Variants in SLC10A1 observed in about 807,000 individuals in gnomAD.
The protein encoded by SLC10A1 is solute carrier family 10 member 1, also known as hepatic sodium/bile acid cotransporter.
A neutral mutation model predicts 20.5 loss-of-function variants in SLC10A1; 36 were observed. That is an observed-to-expected ratio of 1.75 (90% CI 1.34 to 2.32). SLC10A1 has a LOEUF of 2.32. Ranked by LOEUF, SLC10A1 falls within the 30% of genes most tolerant of loss-of-function variation. The pLI, the probability that SLC10A1 is intolerant of heterozygous loss-of-function variation, is 0.00. For synonymous variants in SLC10A1, 188 were observed against 163.6 expected (o/e 1.15, Z -1.14); for missense variants, 545 against 439.1 (o/e 1.24, Z -2.16).
chr14:69,780,693 G>C (rs1254415808), intron 2 of SLC10A1, among the ~76,000 whole-genome samples: 1 of 152,150 alleles, frequency 6.6e-6, no homozygotes, highest in African/African-American at 2.4e-5. Context: ...ATACCAATTA[G>C]TGGTCCTATC....
At chr14:69,790,690 GTAAA>G (rs1883815371) in intron 1 of SLC10A1, among the ~76,000 whole-genome samples, 1 of 151,960 alleles carries the variant, frequency 6.6e-6, no homozygotes, top group Non-Finnish European at 1.5e-5. Context: ...AAACTTAATG[GTAAA>G]TAGAGGGATT....
intron 4 of SLC10A1, among the ~76,000 whole-genome samples, chr14:69,777,609 A>ATTTTTTTTT (rs1209960018): frequency 2.5e-5 from 2 of 79,638 alleles, no homozygotes; most frequent in South Asian, 4.2e-4. Flanking sequence ...TTTTTTTAAA[A>ATTTTTTTTT]TTGGTGTTAA....
Position 69,779,374 on chromosome 14 carries a change from CAAG to C in SLC10A1, c.568-17_568-15del, listed in dbSNP as rs772495132. ...GATCATCCCTCCCTGGGAATGAAGA[CAAG>C]AAAAGGCAATTAGAAGAGTTGGGGA... On this transcript the variant is annotated splice_polypyrimidine_tract_variant and intron_variant, in intron 2 of 4. Transcript: ENST00000216540. 1.3e-6 allele frequency: 2 copies of C among 1,594,588 alleles called. No individual in the cohort carries two copies. Among genetic ancestry groups the C allele is most frequent in the African/African-American group, 2.7e-5 (2 of 74,354 alleles).
At chr14:69,781,041 G>T (rs1202393070) in intron 2 of SLC10A1, among the ~76,000 whole-genome samples, 1 of 152,150 alleles carries the variant, frequency 6.6e-6, no homozygotes, top group African/African-American at 2.4e-5. Flanking sequence ...CACATAATTT[G>T]ATATGATCCT....
chr14:69,780,153 T>G (rs1416316535), intron 2 of SLC10A1, among the ~76,000 whole-genome samples: 1 of 152,224 alleles, frequency 6.6e-6, no homozygotes, highest in East Asian at 1.9e-4. Context: ...AAAAGAACTT[T>G]CAGAAATATC....
intron 2 of SLC10A1, among the ~76,000 whole-genome samples, chr14:69,782,529 A>C (rs10459536): frequency 0.38 from 58,066 of 152,094 alleles, 13,643 homozygotes; most frequent in African/African-American, 0.66. Flanking sequence ...GATTCTCGGC[A>C]AGGTGTGGTG....
chr14:69,796,967 G>T lies in SLC10A1; in HGVS notation c.189C>A (p.Ile63=). The T allele has an allele frequency of 6.2e-7, 1 of 1,614,242 alleles. No individual in the cohort carries two copies. Among genetic ancestry groups the T allele is most frequent in the Non-Finnish European group, 8.5e-7 (1 of 1,180,048 alleles). ...TGATGCCATACTGTGCCACCAGGGC[G>T]ATGGCCAGCCCTTTAGGCTTCCATA... ...AHLWKPKGLA[I]ALVAQYGIMP... is the part of the protein sequence containing the mutation. Residue 63 remains isoleucine, a synonymous_variant, in exon 1 of 5, where the codon ATC becomes ATA. Transcript: ENST00000216540.
Position 69,796,971 on chromosome 14 carries a change from G to A in SLC10A1, c.185C>T (p.Ala62Val), listed in dbSNP as rs748244007. ...GCCATACTGTGCCACCAGGGCGATGGCCAGCCCTTTAGGCTTCCATAAGTG... is the reference window on the plus strand; with the variant it reads ...GCCATACTGTGCCACCAGGGCGATGACCAGCCCTTTAGGCTTCCATAAGTG... ...KAHLWKPKGL[A>V]IALVAQYGIM... Residue 62 changes from alanine (A) to valine (V), a missense_variant, in exon 1 of 5, where the codon GCC becomes GTC. Transcript: ENST00000216540. 9.3e-6 allele frequency: 15 copies of A among 1,614,248 alleles called. No individual in the cohort carries two copies. Among genetic ancestry groups the A allele is most frequent in the Non-Finnish European group, 1.3e-5 (15 of 1,180,052 alleles).
chr14:69,780,961 A>G (rs1015838389), intron 2 of SLC10A1, among the ~76,000 whole-genome samples: 5 of 152,192 alleles, frequency 3.3e-5, no homozygotes, highest in South Asian at 2.1e-4. Flanking sequence ...CTTCTTCTGT[A>G]TAGGCATTCA....
chr14:69,784,220 GAGGT>G (rs918318389), intron 2 of SLC10A1, among the ~76,000 whole-genome samples: 3 of 152,202 alleles, frequency 2.0e-5, no homozygotes, highest in African/African-American at 7.2e-5. Context: ...AAGGTCATGA[GAGGT>G]AGGAGGAAAG....
rs1401981507 is a variant in SLC10A1, at chr14:69,797,171, T to A, written c.-16A>T. On this transcript the variant is annotated 5_prime_UTR_variant, in exon 1 of 5. Coordinates refer to ENST00000216540, the MANE Select transcript of SLC10A1 (RefSeq NM_003049.4). The stretch of plus-strand genomic sequence containing the variant: ...GGGCCTCCATCCTCCTGTGAGGCAG[T>A]GGAAGACCACTCCTTGTTCTCCGGC... The A allele has an allele frequency of 6.3e-7, 1 of 1,589,744 alleles. No individual in the cohort carries two copies. Among genetic ancestry groups the A allele is most frequent in the South Asian group, 1.1e-5 (1 of 87,246 alleles).
At chr14:69,794,706 A>G (rs1023050432) in intron 1 of SLC10A1, among the ~76,000 whole-genome samples, 1 of 152,220 alleles carries the variant, frequency 6.6e-6, no homozygotes, top group African/African-American at 2.4e-5. Context: ...TTTAATGTGC[A>G]TGGGAGGGTT....
chr14:69,794,084 C>T (rs1882338763), intron 1 of SLC10A1, among the ~76,000 whole-genome samples: 1 of 152,114 alleles, frequency 6.6e-6, no homozygotes, highest in African/African-American at 2.4e-5. Flanking sequence ...ACCTCAGCCT[C>T]TTCATGTGTA....
chr14:69,779,289 G>T lies in SLC10A1; in HGVS notation c.639C>A (p.Ser213Arg). Reference sequence around the variant, plus strand: ...AGAGTGGTGTCATGGCAAACATGATGCTCTTCCCCACATTGATGGCAGAGA... The same window carrying T: ...AGAGTGGTGTCATGGCAAACATGATTCTCTTCCCCACATTGATGGCAGAGA... ...TVLSAINVGK[S>R]IMFAMTPLLI... Residue 213 changes from serine (S) to arginine (R), a missense_variant, in exon 3 of 5, where the codon AGC (serine) becomes AGA (arginine). Transcript: ENST00000216540. The T allele has an allele frequency of 1.9e-6, 3 of 1,613,846 alleles. No individual in the cohort carries two copies. The highest frequency in any genetic ancestry group is 1.3e-5 in the African/African-American group (1 of 75,012).
chr14:69,778,570 C>A, intron 3 of SLC10A1, 41 bp from the exon 4 acceptor site: 1 of 1,518,026 alleles, frequency 6.6e-7, no homozygotes, highest in Non-Finnish European at 8.8e-7. Context: ...TCAGAGGGAA[C>A]TGGAGGGAGC....
At chr14:69,782,318 T>G (rs985417091) in intron 2 of SLC10A1, among the ~76,000 whole-genome samples, 1 of 152,262 alleles carries the variant, frequency 6.6e-6, no homozygotes, top group Non-Finnish European at 1.5e-5. Context: ...TTAGCCCTTT[T>G]AATGTTCTCT....
intron 2 of SLC10A1, among the ~76,000 whole-genome samples, chr14:69,781,498 T>C (rs1225327303): frequency 6.6e-6 from 1 of 152,164 alleles, no homozygotes; most frequent in Non-Finnish European, 1.5e-5. Context: ...TTTGCAGGAT[T>C]ACAGAGAGGG....
intron 1 of SLC10A1, among the ~76,000 whole-genome samples, chr14:69,786,906 G>A (rs1883729623): frequency 6.6e-6 from 1 of 152,204 alleles, no homozygotes; most frequent in Admixed American, 6.5e-5. Flanking sequence ...TGGGTGGCAT[G>A]GGAGTGATGC....
Position 69,797,117 on chromosome 14 carries a change from GGTGAA to G in SLC10A1, c.34_38del (p.Phe12ProfsTer46), listed in dbSNP as rs747530550. 42 of 1,613,924 alleles carry G rather than the reference GGTGAA, an allele frequency of 2.6e-5. No homozygotes were observed. The Middle Eastern group carries it at 9.9e-4, about 38-fold the overall frequency. The stretch of plus-strand genomic sequence containing the variant: ...GGCGCTTGCCAAAGTTGGGTGGCAG[GGTGAA>G]GTTGAATGGGGCAGACGCGTTGTGG... On this transcript the variant is annotated frameshift_variant, in exon 1 of 5. Coordinates refer to ENST00000216540, the MANE Select transcript of SLC10A1 (RefSeq NM_003049.4). LOFTEE classifies it high-confidence loss of function.
Sources: allele counts gnomAD v4.1 joint callset (sites outside exome capture counted in the v4.1 genomes callset), GRCh38; gene constraint gnomAD v4.1.1; transcripts MANE v1.5; gene names NCBI Gene and HGNC (gene_info 2026-07-23, HGNC 2026-07-21).